TRAPPC8: variants seen among roughly 807,000 people sequenced by gnomAD.
TRAPPC8 encodes the protein general sporulation gene 1 homolog.
In TRAPPC8, 54 loss-of-function variants were observed where a neutral mutation model predicts 174.3. That is an observed-to-expected ratio of 0.31 (90% confidence interval 0.25 to 0.39). TRAPPC8 has a LOEUF of 0.39. Among genes scored for constraint, TRAPPC8 ranks in the 10% least tolerant of loss-of-function variants. TRAPPC8 has a pLI of 1.00. For synonymous variants in TRAPPC8, 630 were observed against 579.9 expected, an observed-to-expected ratio of 1.09 and a Z score of -1.24; for missense variants, 1,531 against 1,699.1, an observed-to-expected ratio of 0.90 and a Z score of 1.74.
At position 31,849,726 on chromosome 18, in the gene TRAPPC8, G is replaced by A; in HGVS notation, c.3575C>T (p.Ala1192Val). ...ATAAAAGAAGTCTGCACATGGGCTT[G>A]CTGAACTTATTATCTGTTAAAAGAA... Reference protein sequence around the residue: ...IFGNEQIISSASPCADFFYRS... With the variant: ...IFGNEQIISSVSPCADFFYRS... The change falls in exon 25 of 29, where the codon GCA becomes GTA. Residue 1192 changes from alanine to valine, a missense_variant. By Grantham distance (64) the Ala-to-Val change is moderately conservative (BLOSUM62 0). Transcript: ENST00000283351. 1 of 1,597,204 alleles carries A rather than the reference G, an allele frequency of 6.3e-7. No homozygotes were observed. Among genetic ancestry groups the A allele is most frequent in the South Asian group, 1.1e-5 (1 of 87,570 alleles).
chr18:31,913,332 G>A (rs1456886343), intron 5 of TRAPPC8, 37 bp downstream of exon 5: 6 of 1,531,376 alleles, frequency 3.9e-6, no homozygotes, highest in East Asian at 2.3e-5. Flanking sequence ...CTGAAGTATC[G>A]TTTTTGTGGT....
At chr18:31,834,141 C>T (rs556990153) in intron 27 of TRAPPC8, among the ~76,000 whole-genome samples, 1 of 150,762 alleles carries the variant, frequency 6.6e-6, no homozygotes. Context: ...TGGAGTTTTG[C>T]TCTTTTTGCC....
rs1465582753 is a variant in TRAPPC8, at chr18:31,926,557, C to T, written c.352+4772G>A. 2.0e-5 allele frequency: 3 copies of T among 151,886 alleles called. No individual in the cohort carries two copies. In the East Asian group the frequency reaches 5.8e-4, roughly 29 times the overall value. The allele number at this position is 151,886 out of a possible 1,614,324, so 9.4% of individuals were successfully genotyped here. On this transcript the variant is annotated intron_variant, in intron 2 of 28. Coordinates refer to ENST00000283351, the MANE Select transcript of TRAPPC8 (RefSeq NM_014939.5). ...GATCTCGGCTTACTGCAACCTCCGC[C>T]TCAAGCAGCTGGGATTACAGGAGTG... is the stretch of plus-strand genomic sequence containing the variant.
rs1466717869 is a variant in TRAPPC8 at position 31,931,357 on chromosome 18, T to G, written c.324A>C (p.Thr108=). The part of the protein sequence containing the change: ...PAEGLVANVI[T]AGDYDLNISA... ...TGATGTTAAGGTCATAATCTCCTGC[T>G]GTAATCACATTAGCTACTAATCCTT... The change falls in exon 2 of 29, where the codon ACA becomes ACC. Residue 108 remains threonine, a synonymous_variant. Transcript: ENST00000283351. The G allele has an allele frequency of 6.2e-7, 1 of 1,602,554 alleles. No individual in the cohort carries two copies. The highest frequency in any genetic ancestry group is 8.5e-7 in the Non-Finnish European group (1 of 1,174,862).
intron 11 of TRAPPC8, among the ~76,000 whole-genome samples, chr18:31,892,999 C>A (rs1288257633): frequency 3.5e-5 from 5 of 143,258 alleles, no homozygotes; most frequent in Non-Finnish European, 6.0e-5. Flanking sequence ...CCTTGGTGAA[C>A]GAATGACGCC....
chr18:31,926,083 C>G (rs1011578656), intron 2 of TRAPPC8, among the ~76,000 whole-genome samples: 1 of 152,028 alleles, frequency 6.6e-6, no homozygotes, highest in Non-Finnish European at 1.5e-5. Flanking sequence ...GCAACCAGTC[C>G]GACATAAAAT....
intron 21 of TRAPPC8, among the ~76,000 whole-genome samples, chr18:31,855,330 A>C (rs533795461): frequency 6.6e-6 from 1 of 152,378 alleles, no homozygotes; most frequent in Admixed American, 6.5e-5. Flanking sequence ...TGATATATTA[A>C]CAGAACCTCA....
intron 12 of TRAPPC8, chr18:31,883,327 A>C (rs2035552203): frequency 6.6e-6 from 1 of 152,276 alleles, no homozygotes; most frequent in South Asian, 2.1e-4. Flanking sequence ...TGGGAAATTG[A>C]TGCTGACCAA....
intron 2 of TRAPPC8, among the ~76,000 whole-genome samples, chr18:31,920,649 C>G (rs1331056929): frequency 6.6e-6 from 1 of 151,480 alleles, no homozygotes; most frequent in Non-Finnish European, 1.5e-5. Context: ...AAAAAAAATA[C>G]AAAAAAATGG....
intron 3 of TRAPPC8, among the ~76,000 whole-genome samples, 156 bp from the exon 4 acceptor site, chr18:31,916,602 G>A (rs972925094): frequency 1.6e-4 from 25 of 152,090 alleles, no homozygotes; most frequent in South Asian, 2.1e-4. Flanking sequence ...GCGTGATCTC[G>A]ACTCAACACA....
chr18:31,855,515 A>G, intron 21 of TRAPPC8, 145 bp downstream of exon 21: 2 of 657,890 alleles, frequency 3.0e-6, no homozygotes, highest in Non-Finnish European at 2.5e-6. Context: ...ATGAAGAATT[A>G]AGATGATTTC....
chr18:31,830,895 G>A lies in TRAPPC8; in HGVS notation c.4168C>T (p.Leu1390=). The change falls in exon 29 of 29, where the codon CTG becomes TTG. Residue 1390 remains leucine, a synonymous_variant. Transcript: ENST00000283351. ...LKSQEIHSLQ[L]KACFVHTGVY... The stretch of plus-strand genomic sequence containing the variant: ...CCTGTATGAACAAAGCATGCTTTCA[G>A]CTGCAGACTGTGAATCTCCTGGCTT... 1 of 1,614,234 alleles carries A rather than the reference G, an allele frequency of 6.2e-7. No homozygotes were observed. The highest frequency in any genetic ancestry group is 8.5e-7 in the Non-Finnish European group (1 of 1,180,036).
intron 12 of TRAPPC8, among the ~76,000 whole-genome samples, chr18:31,880,091 ATATATATATAT>A (rs1179568520): frequency 8.5e-5 from 6 of 70,248 alleles, no homozygotes; most frequent in African/African-American, 3.2e-4. Flanking sequence ...GAAAAAAAAA[ATATATATATAT>A]ATATATATAT....
chr18:31,934,398 T>C (rs1033737642), intron 1 of TRAPPC8, among the ~76,000 whole-genome samples: 2 of 152,126 alleles, frequency 1.3e-5, no homozygotes, highest in South Asian at 2.1e-4. Flanking sequence ...ATGTTTCTTG[T>C]ATTATCTGCA....
rs200259073 is a variant in TRAPPC8, at chr18:31,846,662, C to CA, written c.3837+53dup. 1.7e-3 allele frequency: 2,325 copies of CA among 1,344,616 alleles called. 1 individual carries two copies. The highest frequency in any genetic ancestry group is 3.2e-3 in the African/African-American group (217 of 67,790). The allele number at this position is 1,344,616 out of a possible 1,614,324, so 83.3% of individuals were successfully genotyped here. A position where few individuals can be genotyped will look rare whatever the true frequency, so the allele number is the denominator to read the frequency against. On this transcript the variant is annotated intron_variant, in intron 26 of 28. Transcript: ENST00000283351. ...CAAAAGCCAACCAACCAAACAACAACAAAAAAAAACCCACAAGTTCACCAG... is the reference window on the plus strand; with the variant it reads ...CAAAAGCCAACCAACCAAACAACAACAAAAAAAAAACCCACAAGTTCACCAG...
At chr18:31,890,171 T>C (rs936728115) in intron 12 of TRAPPC8, among the ~76,000 whole-genome samples, 4 of 152,182 alleles carry the variant, frequency 2.6e-5, no homozygotes, top group Non-Finnish European at 5.9e-5. Flanking sequence ...ACTGCTACTC[T>C]CAGCCTCCAA....
chr18:31,855,178 T>C (rs2033936810), intron 21 of TRAPPC8, among the ~76,000 whole-genome samples: 1 of 151,186 alleles, frequency 6.6e-6, no homozygotes, highest in South Asian at 2.1e-4. Flanking sequence ...AGAACCTGTC[T>C]ACAAAGAAAA....
At chr18:31,896,595 G>A (rs1365122371) in intron 11 of TRAPPC8, among the ~76,000 whole-genome samples, 1 of 152,128 alleles carries the variant, frequency 6.6e-6, no homozygotes, top group Non-Finnish European at 1.5e-5. Flanking sequence ...AATTTAAGAT[G>A]CCTTGGAAAC....
At chr18:31,903,027 G>A (rs544591923) in intron 9 of TRAPPC8, among the ~76,000 whole-genome samples, 5 of 149,778 alleles carry the variant, frequency 3.3e-5, no homozygotes, top group African/African-American at 4.9e-5. Context: ...TCCAGCCTGG[G>A]TGACAGCGAG....
Sources: allele counts gnomAD v4.1 joint callset (sites outside exome capture counted in the v4.1 genomes callset), GRCh38; gene constraint gnomAD v4.1.1; transcripts MANE v1.5; gene names NCBI Gene and HGNC (gene_info 2026-07-23, HGNC 2026-07-21).